Variants in CEP89 observed in about 807,000 individuals in gnomAD.
The protein encoded by CEP89 is centrosomal protein 89.
In CEP89, 95 loss-of-function variants were observed where a neutral mutation model predicts 97.6. The ratio of observed to expected loss-of-function variants is 0.97; its 90% confidence interval spans 0.82 to 1.15. CEP89 has a LOEUF of 1.15. Among genes scored for constraint, CEP89 ranks in the 50% most tolerant of loss-of-function variants. The pLI, the probability that CEP89 is intolerant of heterozygous loss-of-function variation, is 0.00. For synonymous variants in CEP89, 354 were observed against 349.1 expected (o/e 1.01, Z -0.16); for missense variants, 869 against 947.7 (o/e 0.92, Z 1.09).
At chr19:32,883,776 T>C (rs1599706381) in intron 17 of CEP89, among the ~76,000 whole-genome samples, 1 of 152,360 alleles carries the variant, frequency 6.6e-6, no homozygotes, top group East Asian at 1.9e-4. Flanking sequence ...GTGTCTTTTA[T>C]ATATATGTAA....
chr19:32,883,272 T>A (rs1472930530), intron 17 of CEP89, among the ~76,000 whole-genome samples: 1 of 152,184 alleles, frequency 6.6e-6, no homozygotes, highest in Non-Finnish European at 1.5e-5. Flanking sequence ...ACCCAAGAAT[T>A]GTTTAGTGCA....
At chr19:32,883,000 A>G (rs1346145797) in intron 17 of CEP89, among the ~76,000 whole-genome samples, 1 of 151,930 alleles carries the variant, frequency 6.6e-6, no homozygotes, top group African/African-American at 2.4e-5. Context: ...CTGGGATTAC[A>G]GGTGCCCACC....
intron 3 of CEP89, among the ~76,000 whole-genome samples, chr19:32,958,175 A>G (rs1422076378): frequency 7.1e-6 from 1 of 140,198 alleles, no homozygotes; most frequent in East Asian, 2.0e-4. Context: ...GCTTACCAGG[A>G]AAAAAAAAAA....
intron 14 of CEP89, among the ~76,000 whole-genome samples, chr19:32,908,609 C>T (rs1038821649): frequency 6.6e-6 from 1 of 152,176 alleles, no homozygotes; most frequent in African/African-American, 2.4e-5. Context: ...TTTGTTTTGG[C>T]TACAGAAGCT....
chr19:32,937,985 A>G (rs1480483589), intron 6 of CEP89, among the ~76,000 whole-genome samples: 18 of 146,794 alleles, frequency 1.2e-4, no homozygotes. Flanking sequence ...GGGATTACAC[A>G]TGGGCCATCA....
intron 8 of CEP89, among the ~76,000 whole-genome samples, chr19:32,933,126 G>A (rs890168629): frequency 6.6e-6 from 1 of 152,136 alleles, no homozygotes; most frequent in African/African-American, 2.4e-5. Context: ...CTACGGTAAA[G>A]GAGGAGCTTT....
At chr19:32,951,532 T>C (rs9676302) in intron 4 of CEP89, among the ~76,000 whole-genome samples, 7,513 of 112,200 alleles carry the variant, frequency 0.067, 291 homozygotes, top group African/African-American at 0.13. Context: ...TATATATATA[T>C]ATACACACAC....
At chr19:32,947,426 CA>C (rs3991788) in intron 5 of CEP89, among the ~76,000 whole-genome samples, 53,826 of 149,648 alleles carry the variant, frequency 0.36, 9,765 homozygotes, top group Admixed American at 0.48. Flanking sequence ...GTTAACATGG[CA>C]AAAAAAAACA....
In CEP89 at chr19:32,914,804, T is replaced by C. The variant is rs968309904; in HGVS notation, c.1565+533A>G. ...TGGGAGGTCAAGGCAGGCAGATCAC[T>C]TGTGGTCAGGAGTTTGAGACCAGCC... On this transcript the variant is annotated intron_variant, in intron 14 of 18. Transcript: ENST00000305768. 2.0e-5 allele frequency among the ~76,000 whole-genome samples: 3 copies of C among 152,144 alleles called. No individual in the cohort carries two copies. In the South Asian group the frequency reaches 6.2e-4, roughly 32 times the overall value.
At chr19:32,938,528 G>A (rs1169185262) in intron 6 of CEP89, among the ~76,000 whole-genome samples, 2 of 152,162 alleles carry the variant, frequency 1.3e-5, no homozygotes, top group African/African-American at 4.8e-5. Flanking sequence ...TCTAATTTCT[G>A]CTGACAAAGT....
chr19:32,886,574 G>A (rs772712925), intron 17 of CEP89, among the ~76,000 whole-genome samples: 1 of 152,100 alleles, frequency 6.6e-6, no homozygotes, highest in East Asian at 1.9e-4. Flanking sequence ...CATTCCCCCC[G>A]AGGCCCTGGC....
chr19:32,918,147 C>T (rs35549246), intron 13 of CEP89, 77 bp downstream of exon 13: 29 of 1,217,634 alleles, frequency 2.4e-5, no homozygotes, highest in South Asian at 1.3e-4. Flanking sequence ...CTGGGGCCCC[C>T]GGCAGGAGAG....
chr19:32,923,484 A>C lies in CEP89; in HGVS notation c.1223T>G (p.Leu408Trp), dbSNP rs1360703405. 31 of 1,611,224 alleles carry C rather than the reference A, an allele frequency of 1.9e-5. No individual in the cohort carries two copies. Among genetic ancestry groups the C allele is most frequent in the Non-Finnish European group, 2.5e-5 (30 of 1,177,690 alleles). The stretch of plus-strand genomic sequence containing the variant: ...ACTACTCTTATTTAACTCTTGGTGC[A>C]ATTCTTCATTTTCTTTCACCACTTC... ...VQEVVKENEE[L>W]HQELNKSSAV... The change falls in exon 12 of 19, where the codon TTG (leucine) becomes TGG (tryptophan). Residue 408 changes from leucine to tryptophan, a missense_variant. Transcript: ENST00000305768.
intron 14 of CEP89, among the ~76,000 whole-genome samples, chr19:32,914,116 T>A (rs1970071095): frequency 6.6e-6 from 1 of 152,156 alleles, no homozygotes; most frequent in Non-Finnish European, 1.5e-5. Flanking sequence ...CAGACCAGCC[T>A]GAGCAACATT....
chr19:32,933,599 T>A lies in CEP89; in HGVS notation c.738A>T (p.Glu246Asp). 1 of 1,613,610 alleles carries A rather than the reference T, an allele frequency of 6.2e-7. No individual in the cohort carries two copies. Among genetic ancestry groups the A allele is most frequent in the Non-Finnish European group, 8.5e-7 (1 of 1,179,500 alleles). The stretch of plus-strand genomic sequence containing the variant: ...GATTCATATTGTTTAGGTCCATATT[T>A]TCTTCTTTTAATGCCTCAAACTTTT... Reference protein sequence around the residue: ...TREKFEALKEENMDLNNMNQS... With the variant: ...TREKFEALKEDNMDLNNMNQS... Residue 246 changes from glutamate (E) to aspartate (D), a missense_variant, in exon 8 of 19, where the codon GAA (glutamate) becomes GAT (aspartate). Coordinates refer to ENST00000305768, the MANE Select transcript of CEP89 (RefSeq NM_032816.5).
intron 4 of CEP89, among the ~76,000 whole-genome samples, chr19:32,950,402 T>C (rs1201828978): frequency 6.6e-6 from 1 of 152,026 alleles, no homozygotes; most frequent in Non-Finnish European, 1.5e-5. Context: ...CTACTAAAAA[T>C]ATAAAATTAG....
chr19:32,918,364 T>TA, intron 12 of CEP89, 25 bp from the exon 13 acceptor site: 1 of 1,542,438 alleles, frequency 6.5e-7, no homozygotes, highest in South Asian at 1.1e-5. Context: ...CAAGATGAAA[T>TA]ACTGTGATTC....
At chr19:32,935,648 C>T (rs1361285462) in intron 7 of CEP89, among the ~76,000 whole-genome samples, 2 of 152,158 alleles carry the variant, frequency 1.3e-5, no homozygotes, top group Non-Finnish European at 2.9e-5. Flanking sequence ...GAGACTTAAA[C>T]CAGGATTTTC....
In CEP89 at chr19:32,888,053, C is replaced by T. The variant is rs557630349; in HGVS notation, c.1876-212G>A. Among the ~76,000 whole-genome samples the T allele has an allele frequency of 1.3e-4, 20 of 152,266 alleles. No homozygotes were observed. The East Asian group carries it at 3.5e-3, about 27-fold the overall frequency. Reference sequence around the variant, plus strand: ...AACAGGGCATGTGGGGTGCCCTGCTCGACACAAAGAGAAGAATTCCAGCCC... The same window carrying T: ...AACAGGGCATGTGGGGTGCCCTGCTTGACACAAAGAGAAGAATTCCAGCCC... On this transcript the variant is annotated intron_variant, in intron 16 of 18. Transcript: ENST00000305768.
Sources: allele counts gnomAD v4.1 joint callset (sites outside exome capture counted in the v4.1 genomes callset), GRCh38; gene constraint gnomAD v4.1.1; transcripts MANE v1.5; gene names NCBI Gene and HGNC (gene_info 2026-07-23, HGNC 2026-07-21).